Variants in NCLN observed in about 807,000 individuals in gnomAD.
NCLN encodes BOS complex subunit NCLN.
In NCLN, 34 loss-of-function variants were observed where a neutral mutation model predicts 69.5. The observed-to-expected ratio is 0.49, with a 90% CI of 0.37 to 0.65. The LOEUF (loss-of-function observed/expected upper bound fraction) is 0.65, where lower values mean the gene tolerates loss of function less well. Among genes scored for constraint, NCLN ranks in the 30% least tolerant of loss-of-function variants. The pLI is 0.00. For missense variants in NCLN, 710 were observed against 804.8 expected (o/e 0.88, Z 1.42); for synonymous variants, 393 against 358.3 (o/e 1.10, Z -1.09).
Position 3,207,854 on chromosome 19 carries a change from C to G in NCLN, c.*166C>G, listed in dbSNP as rs1210174408. ...TTACAGAGCTTTTTTCTGTTGCTCT[C>G]CGAGACTGGGGGGGGATTGTTTCTT... On this transcript the variant is annotated 3_prime_UTR_variant, in exon 15 of 15. Coordinates refer to ENST00000246117, the MANE Select transcript of NCLN (RefSeq NM_020170.4). 1 of 607,704 alleles carries G rather than the reference C, an allele frequency of 1.6e-6. No individual in the cohort carries two copies. The highest frequency in any genetic ancestry group is 3.0e-6 in the Non-Finnish European group (1 of 338,158). 37.6% of individuals were successfully genotyped at this position (607,704 alleles called of 1,614,324 possible). A position where few individuals can be genotyped will look rare whatever the true frequency, so the allele number is the denominator to read the frequency against.
intron 1 of NCLN, among the ~76,000 whole-genome samples, chr19:3,190,689 G>C (rs779596864): frequency 7.9e-5 from 12 of 152,266 alleles, no homozygotes; most frequent in Admixed American, 7.2e-4. Flanking sequence ...TCGTGATTTT[G>C]AGTGCTTCCT....
Position 3,196,212 on chromosome 19 carries a change from T to C in NCLN, c.550T>C (p.Phe184Leu). ...GCTGCGCACGGCCACTGCCAACGGC[T>C]TCCAGATGGTCACCAGCGGGGTACA... ...VLLRTATANGFQMVTSGVQSK... is the reference protein window; with the variant it reads ...VLLRTATANGLQMVTSGVQSK... Residue 184 changes from phenylalanine to leucine, a missense_variant, in exon 4 of 15, where the codon TTC becomes CTC. Phe to Leu is a conservative substitution (Grantham distance 22, BLOSUM62 0). Coordinates refer to ENST00000246117, the MANE Select transcript of NCLN (RefSeq NM_020170.4). 1 of 1,555,864 alleles carries C rather than the reference T, an allele frequency of 6.4e-7. No homozygotes were observed. Among genetic ancestry groups the C allele is most frequent in the Non-Finnish European group, 8.7e-7 (1 of 1,149,374 alleles).
In NCLN at chr19:3,206,246, A is replaced by G. The variant is rs2144919905; in HGVS notation, c.1336-16A>G. The G allele has an allele frequency of 6.5e-7, 1 of 1,539,664 alleles. No individual in the cohort carries two copies. The highest frequency in any genetic ancestry group is 8.8e-7 in the Non-Finnish European group (1 of 1,141,794). ...TGGGCGGGGCCAGGCCATGACTACC[A>G]CCACCGTCCCTACAGCAGATCCAGC... is the stretch of plus-strand genomic sequence containing the variant. On this transcript the variant is annotated splice_polypyrimidine_tract_variant and intron_variant, in intron 11 of 14. Transcript: ENST00000246117.
Position 3,193,397 on chromosome 19 carries a change from C to T in NCLN, c.489C>T (p.Ser163=), listed in dbSNP as rs200323744. ...LSIYKQTQAA[S]ASQGSASAAE... The stretch of plus-strand genomic sequence containing the variant: ...TCTACAAGCAGACCCAGGCTGCCTC[C>T]GCCTCCCAGGGCTCCGCCTCTGCTG... The change falls in exon 3 of 15, where the codon TCC becomes TCT. Residue 163 remains serine, a synonymous_variant. Transcript: ENST00000246117. 11 of 1,609,682 alleles carry T rather than the reference C, an allele frequency of 6.8e-6. No individual in the cohort carries two copies. Among genetic ancestry groups the T allele is most frequent in the Middle Eastern group, 3.3e-4 (2 of 6,054 alleles).
intron 3 of NCLN, 64 bp downstream of exon 3, chr19:3,193,492 A>G: frequency 6.7e-7 from 1 of 1,493,256 alleles, no homozygotes; most frequent in Non-Finnish European, 8.9e-7. Flanking sequence ...CCCCATCCCA[A>G]GGGCTGCGGT....
chr19:3,187,987 G>A (rs1266420110), intron 1 of NCLN, among the ~76,000 whole-genome samples: 3 of 152,178 alleles, frequency 2.0e-5, no homozygotes, highest in Non-Finnish European at 2.9e-5. Flanking sequence ...CCAAAGCGTG[G>A]CCTGTGCAAC....
At chr19:3,189,880 G>A (rs1006947423) in intron 1 of NCLN, among the ~76,000 whole-genome samples, 1 of 152,230 alleles carries the variant, frequency 6.6e-6, no homozygotes, top group Non-Finnish European at 1.5e-5. Context: ...GTGCTGACGC[G>A]AGGCGGGGCT....
chr19:3,187,461 A>T (rs1016659693), intron 1 of NCLN, among the ~76,000 whole-genome samples: 1 of 152,070 alleles, frequency 6.6e-6, no homozygotes, highest in Non-Finnish European at 1.5e-5. Context: ...CTCAGGCTCA[A>T]CCTGAGGCGC....
At chr19:3,196,843 G>T (rs1325466924) in intron 4 of NCLN, among the ~76,000 whole-genome samples, 1 of 152,238 alleles carries the variant, frequency 6.6e-6, no homozygotes, top group Admixed American at 6.5e-5. Context: ...AGCACCCACC[G>T]ACTCCTCTAG....
In NCLN at chr19:3,186,118, C is replaced by T; in HGVS notation, c.88C>T (p.Leu30=). The T allele has an allele frequency of 3.8e-6, 6 of 1,598,120 alleles. No homozygotes were observed. Among genetic ancestry groups the T allele is most frequent in the Non-Finnish European group, 4.3e-6 (5 of 1,174,190 alleles). Residue 30 remains leucine (L), a synonymous_variant, in exon 1 of 15, where the codon CTG becomes TTG. Transcript: ENST00000246117. The stretch of plus-strand genomic sequence containing the variant: ...CTTCATCGTCTTCCTGCCCGCTGTG[C>T]TGCTGCTGGTGGCGCCGCCGCTGCC... ...LGFIVFLPAV[L]LLVAPPLPAA... is the part of the protein sequence containing the mutation.
chr19:3,207,560 A>G (rs1484193911), intron 14 of NCLN, 69 bp from the exon 15 acceptor site: 2 of 1,607,030 alleles, frequency 1.2e-6, no homozygotes, highest in East Asian at 2.2e-5. Context: ...CCCCTGGCTC[A>G]GCCTAGAGTC....
At chr19:3,198,615 C>G (rs10411478) in intron 4 of NCLN, among the ~76,000 whole-genome samples, 3,436 of 152,240 alleles carry the variant, frequency 0.023, 140 homozygotes, top group African/African-American at 0.078. Flanking sequence ...TCCCTGTTCC[C>G]GGCTCTACCT....
chr19:3,206,932 G>C (rs937736181), intron 12 of NCLN, among the ~76,000 whole-genome samples: 1 of 152,006 alleles, frequency 6.6e-6, no homozygotes, highest in Non-Finnish European at 1.5e-5. Flanking sequence ...AGTGATTCTC[G>C]GACCTCGGTC....
intron 4 of NCLN, among the ~76,000 whole-genome samples, chr19:3,197,823 G>T (rs1471225401): frequency 6.6e-6 from 1 of 152,198 alleles, no homozygotes; most frequent in African/African-American, 2.4e-5. Flanking sequence ...GTTTCACCAT[G>T]CTGGCCAGGC....
At chr19:3,190,732 GCCCCCGGC>G (rs1915798241) in intron 1 of NCLN, among the ~76,000 whole-genome samples, 2 of 152,140 alleles carry the variant, frequency 1.3e-5, no homozygotes, top group African/African-American at 4.8e-5. Flanking sequence ...TCCGGGGCCC[GCCCCCGGC>G]CCCCCTGCGT....
chr19:3,207,953 C>T lies in NCLN; in HGVS notation c.*265C>T, dbSNP rs1305997399. ...CGGGGCCAGGCTACGGACTTGCGGACGAGCCCCCCAGTCCTGGGAGCCGGC... is the reference window on the plus strand; with the variant it reads ...CGGGGCCAGGCTACGGACTTGCGGATGAGCCCCCCAGTCCTGGGAGCCGGC... On this transcript the variant is annotated 3_prime_UTR_variant, in exon 15 of 15. Transcript: ENST00000246117. 35 of 490,318 alleles carry T rather than the reference C, an allele frequency of 7.1e-5. No individual in the cohort carries two copies. The highest frequency in any genetic ancestry group is 5.3e-4 in the East Asian group (15 of 28,248). 30.4% of individuals were successfully genotyped at this position (490,318 alleles called of 1,614,324 possible).
chr19:3,196,852 A>G (rs1895862808), intron 4 of NCLN, among the ~76,000 whole-genome samples: 1 of 152,218 alleles, frequency 6.6e-6, no homozygotes, highest in Admixed American at 6.5e-5. Context: ...CGACTCCTCT[A>G]GCATTTCCCT....
chr19:3,200,458 G>C (rs761077724), intron 5 of NCLN, among the ~76,000 whole-genome samples: 22 of 151,064 alleles, frequency 1.5e-4, no homozygotes, highest in Admixed American at 5.3e-4. Context: ...CTACAGGCGC[G>C]TGCCACCACA....
Position 3,206,221 on chromosome 19 carries a change from T to C in NCLN, c.1335+31T>C, listed in dbSNP as rs112536270. On this transcript the variant is annotated intron_variant, in intron 11 of 14. Transcript: ENST00000246117. ...GGGGCCAGGCCAGTGGGTGGGTGGG[T>C]GGGCGGGGCCAGGCCATGACTACCA... The C allele has an allele frequency of 4.0e-4, 82 of 203,828 alleles. No homozygotes were observed. In the African/African-American group the frequency reaches 0.01, roughly 26 times the overall value. The allele number at this position is 203,828 out of a possible 1,614,324, so 12.6% of individuals were successfully genotyped here. A position where few individuals can be genotyped will look rare whatever the true frequency, so the allele number is the denominator to read the frequency against.
Sources: allele counts gnomAD v4.1 joint callset (sites outside exome capture counted in the v4.1 genomes callset), GRCh38; gene constraint gnomAD v4.1.1; transcripts MANE v1.5; gene names NCBI Gene and HGNC (gene_info 2026-07-23, HGNC 2026-07-21).